The following DNAAF3 variants were observed in gnomAD, a reference collection of about 807,000 sequenced individuals.
The protein encoded by DNAAF3 is UPF0470 protein C19orf51.
Under a neutral mutation model 50.9 loss-of-function variants are expected in DNAAF3, and 40 were observed. That is an observed-to-expected ratio of 0.79 (90% CI 0.61 to 1.02). The LOEUF (loss-of-function observed/expected upper bound fraction) is 1.02, where lower values mean the gene tolerates loss of function less well. DNAAF3 is among the 50% of genes least tolerant of loss of function. The pLI is 0.00. For synonymous variants in DNAAF3, 327 were observed against 322.8 expected (o/e 1.01, Z -0.14); for missense variants, 763 against 744.7 (o/e 1.02, Z -0.29).
chr19:55,165,398 C>T lies in DNAAF3; in HGVS notation c.294G>A (p.Leu98=). Residue 98 remains leucine, a synonymous_variant, in exon 4 of 12, where the codon CTG becomes CTA. Coordinates refer to ENST00000524407, the MANE Select transcript of DNAAF3 (RefSeq NM_001256715.2). ...GCAGCCCCATCTTCTCCGGTTCCTC[C>T]AGGGCTAGGCTGAAGATCAGCATGT... is the stretch of plus-strand genomic sequence containing the variant. ...ARHMLIFSLA[L]EEPEKMGLQE... 1 of 1,614,180 alleles carries T rather than the reference C, an allele frequency of 6.2e-7. No homozygotes were observed. Among genetic ancestry groups the T allele is most frequent in the Non-Finnish European group, 8.5e-7 (1 of 1,180,036 alleles).
intron 3 of DNAAF3, 118 bp downstream of exon 3, chr19:55,165,740 C>T (rs890991154): frequency 1.3e-6 from 2 of 1,500,482 alleles, no homozygotes; most frequent in African/African-American, 2.8e-5. Context: ...CAGCTTCTGC[C>T]TCCCTCAGAT....
Position 55,165,424 on chromosome 19 carries a change from G to T in DNAAF3, c.268C>A (p.His90Asn). The T allele has an allele frequency of 6.2e-7, 1 of 1,614,160 alleles. No individual in the cohort carries two copies. Among genetic ancestry groups the T allele is most frequent in the South Asian group, 1.1e-5 (1 of 91,076 alleles). The stretch of plus-strand genomic sequence containing the variant: ...AGGGCTAGGCTGAAGATCAGCATGT[G>T]TCGGGCCACAGCTTCCAGATTATTC... ...LENNLEAVAR[H>N]MLIFSLALEE... The change falls in exon 4 of 12, where the codon CAC (histidine) becomes AAC (asparagine). Residue 90 changes from histidine to asparagine, a missense_variant. By Grantham distance (68) the His-to-Asn change is moderately conservative (BLOSUM62 1). Transcript: ENST00000524407.
chr19:55,159,561 C>A lies in DNAAF3; in HGVS notation c.1210G>T (p.Gly404Ter). ...GCTAATTCCACAATCAAGTTCCCTCCGGGTGCCACACAGGCCCCAAGCTCA... is the reference window on the plus strand; with the variant it reads ...GCTAATTCCACAATCAAGTTCCCTCAGGGTGCCACACAGGCCCCAAGCTCA... ...IPELGACVAP[G>*]GNLIVELARY... The change falls in exon 11 of 12, where the codon GGA (glycine) becomes TGA (stop). Residue 404 changes from glycine (G) to a stop codon, truncating the protein, a stop_gained. Transcript: ENST00000524407. LOFTEE classifies it low-confidence loss of function (END_TRUNC). 6.2e-7 allele frequency: 1 copy of A among 1,603,998 alleles called. No homozygotes were observed. Among genetic ancestry groups the A allele is most frequent in the Non-Finnish European group, 8.5e-7 (1 of 1,174,904 alleles).
chr19:55,166,515 G>GC lies in DNAAF3; in HGVS notation c.-5+7dup. 6.2e-7 allele frequency: 1 copy of GC among 1,613,958 alleles called. No individual in the cohort carries two copies. The highest frequency in any genetic ancestry group is 8.5e-7 in the Non-Finnish European group (1 of 1,179,968). ...CCCCTTTGCCTCCACATGATACCTT[G>GC]CCCACACCTTTATCCTCCAAATATC... On this transcript the variant is annotated splice_region_variant and intron_variant, in intron 1 of 11. Transcript: ENST00000524407. This position sits in a 1 kb window ranked among gnomAD's most constrained non-coding sequence, Gnocchi z 4.0.
rs565551381 is a variant in DNAAF3, at chr19:55,161,086, C to T, written c.891G>A (p.Thr297=). ...IEADDESLLR[T]SNGQPVKTAG... ...GCACCTTGACTGGCTGGCCGTTGCT[C>T]GTCCGCAGGAGGCTCTCGTCGTCCG... The change falls in exon 8 of 12, where the codon ACG becomes ACA. Residue 297 remains threonine, a synonymous_variant. Transcript: ENST00000524407. The surrounding 1 kb of genome is among the most constrained non-coding windows in gnomAD (Gnocchi z 6.4). 26 of 1,542,944 alleles carry T rather than the reference C, an allele frequency of 1.7e-5. No homozygotes were observed. The African/African-American group carries it at 2.6e-4, about 15-fold the overall frequency.
intron 4 of DNAAF3, among the ~76,000 whole-genome samples, chr19:55,163,145 G>T (rs944445691): frequency 1.3e-5 from 2 of 151,332 alleles, no homozygotes; most frequent in African/African-American, 2.4e-5. Flanking sequence ...GAGTAGCTGG[G>T]ACTACAAGCG....
chr19:55,159,225 G>C lies in DNAAF3; in HGVS notation c.1463C>G (p.Pro488Arg). The change falls in exon 12 of 12, where the codon CCA (proline) becomes CGA (arginine). Residue 488 changes from proline (P) to arginine (R), a missense_variant. By Grantham distance (103) the Pro-to-Arg change is moderately radical. Transcript: ENST00000524407. ...AGGCTGGGTCAGGCCCTCAAGGGCT[G>C]GGTTGCTGGCTTCAAGAGGCTGGGC... is the stretch of plus-strand genomic sequence containing the variant. The part of the protein sequence containing the change: ...ILAQPLEASN[P>R]ALEGLTQPLQ... The C allele has an allele frequency of 6.2e-7, 1 of 1,613,954 alleles. No individual in the cohort carries two copies. The highest frequency in any genetic ancestry group is 8.5e-7 in the Non-Finnish European group (1 of 1,180,026).
intron 4 of DNAAF3, among the ~76,000 whole-genome samples, chr19:55,164,508 A>G (rs957709118): frequency 2.0e-5 from 3 of 150,380 alleles, no homozygotes; most frequent in African/African-American, 7.4e-5. Context: ...AAACAAACAA[A>G]CCTGTTTTCT....
Position 55,161,520 on chromosome 19 carries a change from T to G in DNAAF3, c.664-102A>C. ...CCCAGGAGTCCAGGTCCCCAGGCCC[T>G]CCTCCCTCAGACCCAGGAGTTCAGG... On this transcript the variant is annotated intron_variant, in intron 6 of 11. Transcript: ENST00000524407. The surrounding 1 kb of genome is among the most constrained non-coding windows in gnomAD (Gnocchi z 6.4). 1 of 1,494,248 alleles carries G rather than the reference T, an allele frequency of 6.7e-7. No homozygotes were observed. Among genetic ancestry groups the G allele is most frequent in the South Asian group, 1.3e-5 (1 of 74,480 alleles). The allele number at this position is 1,494,248 out of a possible 1,614,324, so 92.6% of individuals were successfully genotyped here.
At position 55,159,133 on chromosome 19, in the gene DNAAF3, C is replaced by G. The variant is rs1192762272; in HGVS notation, c.1555G>C (p.Glu519Gln). 1 of 1,613,656 alleles carries G rather than the reference C, an allele frequency of 6.2e-7. No individual in the cohort carries two copies. The highest frequency in any genetic ancestry group is 1.7e-5 in the Admixed American group (1 of 60,026). ...LPSESPGSLS[E>Q]VLAQPQGALA... ...GCCCCCTGAGGCTGAGCCAGAACCT[C>G]TGAGAGTGAACCTGGAGACTCAGAG... The change falls in exon 12 of 12, where the codon GAG (glutamate) becomes CAG (glutamine). Residue 519 changes from glutamate to glutamine, a missense_variant. Transcript: ENST00000524407.
chr19:55,159,137 G>A lies in DNAAF3; in HGVS notation c.1551C>T (p.Leu517=). 6.2e-7 allele frequency: 1 copy of A among 1,613,680 alleles called. No homozygotes were observed. Among genetic ancestry groups the A allele is most frequent in the Non-Finnish European group, 8.5e-7 (1 of 1,180,012 alleles). Residue 517 remains leucine, a synonymous_variant, in exon 12 of 12, where the codon CTC becomes CTT. Transcript: ENST00000524407. The stretch of plus-strand genomic sequence containing the variant: ...CCTGAGGCTGAGCCAGAACCTCTGA[G>A]AGTGAACCTGGAGACTCAGAGGGCA... The part of the protein sequence containing the change: ...CQLPSESPGS[L]SEVLAQPQGA...
chr19:55,160,947 C>G lies in DNAAF3; in HGVS notation c.912+118G>C. ...GCCTGTTCTCTGAATGGAGTCGTTC[C>G]CACCAAGCGACGGGCGGGGTCTGGA... On this transcript the variant is annotated intron_variant, in intron 8 of 11. Coordinates refer to ENST00000524407, the MANE Select transcript of DNAAF3 (RefSeq NM_001256715.2). The surrounding 1 kb of genome is among the most constrained non-coding windows in gnomAD (Gnocchi z 4.7). 1 of 1,453,314 alleles carries G rather than the reference C, an allele frequency of 6.9e-7. No individual in the cohort carries two copies. Among genetic ancestry groups the G allele is most frequent in the Non-Finnish European group, 9.0e-7 (1 of 1,105,918 alleles). The allele number at this position is 1,453,314 out of a possible 1,614,324, so 90.0% of individuals were successfully genotyped here.
At chr19:55,164,933 C>T (rs1436330752) in intron 4 of DNAAF3, among the ~76,000 whole-genome samples, 1 of 147,278 alleles carries the variant, frequency 6.8e-6, no homozygotes, top group African/African-American at 2.5e-5. Flanking sequence ...GGACCATCAT[C>T]AATAAATATA....
rs758268454 is a variant in DNAAF3, at chr19:55,161,038, A to AC, written c.912+26dup. ...CCCACCGACCCCCAGCCCCACCTCT[A>AC]CCCCCAGTCCCAGCCTCGCCGCGCA... On this transcript the variant is annotated intron_variant, in intron 8 of 11. Transcript: ENST00000524407. This position sits in a 1 kb window ranked among gnomAD's most constrained non-coding sequence, Gnocchi z 6.4. 12 of 1,513,714 alleles carry AC rather than the reference A, an allele frequency of 7.9e-6. 1 individual carries two copies. In the South Asian group the frequency reaches 1.1e-4, roughly 14 times the overall value. 93.8% of individuals were successfully genotyped at this position (1,513,714 alleles called of 1,614,324 possible). A position where few individuals can be genotyped will look rare whatever the true frequency, so the allele number is the denominator to read the frequency against.
At position 55,161,822 on chromosome 19, in the gene DNAAF3, G is replaced by T. The variant is rs760391305; in HGVS notation, c.484C>A (p.Arg162Ser). 4.1e-5 allele frequency: 59 copies of T among 1,436,048 alleles called. No individual in the cohort carries two copies. Among genetic ancestry groups the T allele is most frequent in the Non-Finnish European group, 5.1e-5 (56 of 1,096,570 alleles). The allele number at this position is 1,436,048 out of a possible 1,614,324, so 89.0% of individuals were successfully genotyped here. Reference sequence around the variant, plus strand: ...ACGGCCTCCAGGGCATCCCGCTCGCGGAACTGCGGGGCCAGGCACGCGGTG... The same window carrying T: ...ACGGCCTCCAGGGCATCCCGCTCGCTGAACTGCGGGGCCAGGCACGCGGTG... ...PWLSLRALKF[R>S]ERDALEAVFR... Residue 162 changes from arginine to serine, a missense_variant, in exon 6 of 12, where the codon CGC (arginine) becomes AGC (serine). By Grantham distance (110) the Arg-to-Ser change is moderately radical. Coordinates refer to ENST00000524407, the MANE Select transcript of DNAAF3 (RefSeq NM_001256715.2). The surrounding 1 kb of genome is among the most constrained non-coding windows in gnomAD (Gnocchi z 6.4).
chr19:55,165,075 G>A, intron 4 of DNAAF3, among the ~76,000 whole-genome samples: 1 of 133,324 alleles, frequency 7.5e-6, no homozygotes, highest in Non-Finnish European at 1.5e-5. Flanking sequence ...TGTCACCCTG[G>A]CTGGAGTGCA....
At position 55,162,306 on chromosome 19, in the gene DNAAF3, G is replaced by C; in HGVS notation, c.323-16C>G. 1 of 1,249,948 alleles carries C rather than the reference G, an allele frequency of 8.0e-7. No homozygotes were observed. The highest frequency in any genetic ancestry group is 1.0e-6 in the Non-Finnish European group (1 of 988,542). 77.4% of individuals were successfully genotyped at this position (1,249,948 alleles called of 1,614,324 possible). ...TCGCTTCGCTCTACGGAGAGAGGGA[G>C]ATAATTGCGGGAATGTGTGGAGGAG... On this transcript the variant is annotated splice_polypyrimidine_tract_variant and intron_variant, in intron 4 of 11. Coordinates refer to ENST00000524407, the MANE Select transcript of DNAAF3 (RefSeq NM_001256715.2).
At position 55,166,601 on chromosome 19, in the gene DNAAF3, G is replaced by A. The variant is rs1256328146; in HGVS notation, c.-83C>T. 1.9e-6 allele frequency: 3 copies of A among 1,613,916 alleles called. No individual in the cohort carries two copies. The highest frequency in any genetic ancestry group is 2.7e-5 in the African/African-American group (2 of 74,920). Reference sequence around the variant, plus strand: ...TGTGGACCCGCGGCACTCCACAACCGCTGCCCAGAGTCCCCGCCCTTTTCG... The same window carrying A: ...TGTGGACCCGCGGCACTCCACAACCACTGCCCAGAGTCCCCGCCCTTTTCG... On this transcript the variant is annotated 5_prime_UTR_variant, in exon 1 of 12. Coordinates refer to ENST00000524407, the MANE Select transcript of DNAAF3 (RefSeq NM_001256715.2). The surrounding 1 kb of genome is among the most constrained non-coding windows in gnomAD (Gnocchi z 4.0).
rs571980117 is a variant in DNAAF3 at position 55,160,346 on chromosome 19, A to C, written c.1048+294T>G. 6.6e-6 allele frequency among the ~76,000 whole-genome samples: 1 copy of C among 152,326 alleles called. No individual in the cohort carries two copies. The highest frequency in any genetic ancestry group is 1.9e-4 in the East Asian group (1 of 5,178). On this transcript the variant is annotated intron_variant, in intron 9 of 11. Coordinates refer to ENST00000524407, the MANE Select transcript of DNAAF3 (RefSeq NM_001256715.2). The surrounding 1 kb of genome is among the most constrained non-coding windows in gnomAD (Gnocchi z 4.7). Reference sequence around the variant, plus strand: ...TTGGAGGATGGCTGGAAGGAGGCCCAGCCAGGATCCAGGGTGTGGGAGGCT... The same window carrying C: ...TTGGAGGATGGCTGGAAGGAGGCCCCGCCAGGATCCAGGGTGTGGGAGGCT...
Sources: gnomAD v4.1 joint callset for allele counts (sites outside exome capture counted in the v4.1 genomes callset) on GRCh38, gnomAD v4.1.1 for gene constraint, Gnocchi (gnomAD v3.1) non-coding constraint, MANE v1.5 for transcripts, NCBI Gene and HGNC (gene_info 2026-07-23, HGNC 2026-07-21) for gene names.